The following KCNH7 variants were observed in gnomAD, a reference collection of about 807,000 sequenced individuals.
KCNH7 encodes the protein voltage-gated inwardly rectifying potassium channel KCNH7.
Under a neutral mutation model 120.8 loss-of-function variants are expected in KCNH7, and 49 were observed. The observed-to-expected ratio is 0.41, with a 90% confidence interval of 0.32 to 0.51. The LOEUF (loss-of-function observed/expected upper bound fraction) is 0.51, where lower values mean the gene tolerates loss of function less well. Among genes scored for constraint, KCNH7 ranks in the 20% least tolerant of loss-of-function variants. KCNH7 has a pLI of 0.38. For synonymous variants in KCNH7, 547 were observed against 516.1 expected (o/e 1.06, Z -0.81); for missense variants, 1,097 against 1,446.6 (o/e 0.76, Z 3.92).
In KCNH7 at chr2:162,711,868, C is replaced by G. The variant is rs189216208; in HGVS notation, c.307+124669G>C. On this transcript the variant is annotated intron_variant, in intron 2 of 15. Coordinates refer to ENST00000332142, the MANE Select transcript of KCNH7 (RefSeq NM_033272.4). ...GAAAAAAAGGAAAAGGGAAGGGGCCCAAACAGACAAAACAAACAAAAAAAA... is the reference window on the plus strand; with the variant it reads ...GAAAAAAAGGAAAAGGGAAGGGGCCGAAACAGACAAAACAAACAAAAAAAA... 3.9e-3 allele frequency among the ~76,000 whole-genome samples: 593 copies of G among 151,818 alleles called. 4 individuals are homozygous for G. Among genetic ancestry groups the G allele is most frequent in the Middle Eastern group, 0.01 (3 of 294 alleles).
At chr2:162,681,070 C>T (rs12622109) in intron 2 of KCNH7, among the ~76,000 whole-genome samples, 1 of 151,424 alleles carries the variant, frequency 6.6e-6, no homozygotes, top group Non-Finnish European at 1.5e-5. Context: ...TCTCTATGGC[C>T]TAGGATTATG....
At chr2:162,558,150 AT>A (rs1692924642) in intron 2 of KCNH7, among the ~76,000 whole-genome samples, 1 of 151,786 alleles carries the variant, frequency 6.6e-6, no homozygotes, top group Non-Finnish European at 1.5e-5. Flanking sequence ...GAAGATTAAA[AT>A]GTGGGTTTTG....
rs542722961 is a variant in KCNH7, at chr2:162,498,196, C to A, written c.1128+6247G>T. Reference sequence around the variant, plus strand: ...TCTCAAAATGGGTTTCCACTGAATTCACCAGACATTCCTCTTATGTAATAA... The same window carrying A: ...TCTCAAAATGGGTTTCCACTGAATTAACCAGACATTCCTCTTATGTAATAA... On this transcript the variant is annotated intron_variant, in intron 6 of 15. Transcript: ENST00000332142. Among the ~76,000 whole-genome samples, 209 of 152,170 alleles carry A rather than the reference C, an allele frequency of 1.4e-3. 1 individual carries two copies. Among genetic ancestry groups the A allele is most frequent in the African/African-American group, 4.7e-3 (194 of 41,526 alleles).
At chr2:162,653,863 G>A (rs1389075383) in intron 2 of KCNH7, among the ~76,000 whole-genome samples, 1 of 152,056 alleles carries the variant, frequency 6.6e-6, no homozygotes, top group Non-Finnish European at 1.5e-5. Context: ...TGGTCAATTG[G>A]CACAAAAGTG....
chr2:162,492,277 A>G (rs1214290776), intron 6 of KCNH7, among the ~76,000 whole-genome samples: 3 of 152,208 alleles, frequency 2.0e-5, no homozygotes, highest in Non-Finnish European at 4.4e-5. Context: ...TCAGGCTAGA[A>G]CGTGGGCCTA....
chr2:162,436,319 T>C (rs1203300771), intron 7 of KCNH7, among the ~76,000 whole-genome samples: 1 of 152,110 alleles, frequency 6.6e-6, no homozygotes, highest in Non-Finnish European at 1.5e-5. Flanking sequence ...ATGCATGAAT[T>C]AGGCACTACA....
At chr2:162,681,381 G>A (rs961759603) in intron 2 of KCNH7, among the ~76,000 whole-genome samples, 5 of 151,692 alleles carry the variant, frequency 3.3e-5, no homozygotes, top group Non-Finnish European at 3.0e-5. Flanking sequence ...GAAATGTCAG[G>A]GCTTATGGTG....
chr2:162,378,362 C>T (rs1342503904), intron 14 of KCNH7, among the ~76,000 whole-genome samples: 1 of 152,174 alleles, frequency 6.6e-6, no homozygotes, highest in East Asian at 1.9e-4. Context: ...ACAGTGATAG[C>T]ATTTTGCTGA....
chr2:162,664,316 G>A (rs1225000683), intron 2 of KCNH7, among the ~76,000 whole-genome samples: 1 of 152,116 alleles, frequency 6.6e-6, no homozygotes, highest in African/African-American at 2.4e-5. Context: ...AACTCCAGGT[G>A]AAAAATTGTG....
In KCNH7 at chr2:162,741,328, CAT is replaced by C. The variant is rs200765383; in HGVS notation, c.307+95207_307+95208del. Among the ~76,000 whole-genome samples, 877 of 149,186 alleles carry C rather than the reference CAT, an allele frequency of 5.9e-3. 16 individuals are homozygous for C. The highest frequency in any genetic ancestry group is 0.02 in the African/African-American group (821 of 40,538). ...TGTTATTAATTACACATATTAATAACATATGTTATTAATTATACATATTAATA... is the reference window on the plus strand; with the variant it reads ...TGTTATTAATTACACATATTAATAACATGTTATTAATTATACATATTAATA... On this transcript the variant is annotated intron_variant, in intron 2 of 15. Coordinates refer to ENST00000332142, the MANE Select transcript of KCNH7 (RefSeq NM_033272.4).
chr2:162,585,332 T>C (rs924681302), intron 2 of KCNH7, among the ~76,000 whole-genome samples: 1 of 152,116 alleles, frequency 6.6e-6, no homozygotes, highest in African/African-American at 2.4e-5. Context: ...GATCTTTTTA[T>C]TCATCTTTGT....
At chr2:162,576,863 T>C (rs1328755481) in intron 2 of KCNH7, among the ~76,000 whole-genome samples, 1 of 151,968 alleles carries the variant, frequency 6.6e-6, no homozygotes, top group African/African-American at 2.4e-5. Flanking sequence ...TCAACTAGGG[T>C]ACTTTATTAT....
intron 2 of KCNH7, among the ~76,000 whole-genome samples, chr2:162,676,527 A>C (rs1374737758): frequency 3.3e-5 from 5 of 151,524 alleles, no homozygotes; most frequent in African/African-American, 1.2e-4. Flanking sequence ...GCATTAAAAC[A>C]GTATCTGAAA....
chr2:162,781,013 T>C (rs188273707), intron 2 of KCNH7, among the ~76,000 whole-genome samples: 2 of 152,208 alleles, frequency 1.3e-5, no homozygotes, highest in East Asian at 3.9e-4. Flanking sequence ...CATTTACATA[T>C]CCAATCTATA....
intron 2 of KCNH7, among the ~76,000 whole-genome samples, chr2:162,639,115 C>A (rs529274961): frequency 6.6e-6 from 1 of 152,034 alleles, no homozygotes; most frequent in Admixed American, 6.6e-5. Context: ...AACAAACATC[C>A]CTTGGTGTTG....
intron 2 of KCNH7, among the ~76,000 whole-genome samples, chr2:162,622,032 A>G (rs1433416303): frequency 1.3e-5 from 2 of 152,222 alleles, no homozygotes; most frequent in Non-Finnish European, 2.9e-5. Flanking sequence ...ATAGTTTGCT[A>G]TTCTATTTCT....
intron 3 of KCNH7, among the ~76,000 whole-genome samples, chr2:162,522,469 C>T (rs1412694645): frequency 6.6e-6 from 1 of 151,834 alleles, no homozygotes; most frequent in Non-Finnish European, 1.5e-5. Flanking sequence ...ATTTAGTTGT[C>T]TAACTGCAGT....
At chr2:162,486,198 A>T (rs1690089868) in intron 6 of KCNH7, among the ~76,000 whole-genome samples, 1 of 152,154 alleles carries the variant, frequency 6.6e-6, no homozygotes, top group Non-Finnish European at 1.5e-5. Context: ...CTTCACCTCT[A>T]CCTGGGCCAT....
chr2:162,724,514 T>C (rs937027026), intron 2 of KCNH7, among the ~76,000 whole-genome samples: 1 of 150,398 alleles, frequency 6.6e-6, no homozygotes, highest in Admixed American at 6.6e-5. Flanking sequence ...CTACTAAAAA[T>C]ACAAAAAATT....
Sources: allele counts gnomAD v4.1 joint callset (sites outside exome capture counted in the v4.1 genomes callset), GRCh38; gene constraint gnomAD v4.1.1; transcripts MANE v1.5; gene names NCBI Gene and HGNC (gene_info 2026-07-23, HGNC 2026-07-21).